Variants in FSIP2 observed in about 807,000 individuals in gnomAD.
FSIP2 encodes the protein fibrous sheath-interacting protein 2.
A neutral mutation model predicts 510.5 loss-of-function variants in FSIP2; 367 were observed. That is an observed-to-expected ratio of 0.72 (90% CI 0.66 to 0.78). The LOEUF (loss-of-function observed/expected upper bound fraction) is 0.78, where lower values mean the gene tolerates loss of function less well. FSIP2 is among the 30% of genes least tolerant of loss of function. FSIP2 has a pLI of 0.00. For synonymous variants in FSIP2, 2,601 were observed against 2,732.2 expected (o/e 0.95, Z 1.50); for missense variants, 7,594 against 7,901.7 (o/e 0.96, Z 1.48).
chr2:185,762,249 G>A (rs1264349973), intron 11 of FSIP2, among the ~76,000 whole-genome samples: 1 of 151,242 alleles, frequency 6.6e-6, no homozygotes, highest in Non-Finnish European at 1.5e-5. Context: ...TAGGGTCCTT[G>A]CTGTAGCTGT....
Position 185,797,502 on chromosome 2 carries a change from T to C in FSIP2, c.10366T>C (p.Tyr3456His). The C allele has an allele frequency of 2.0e-6, 3 of 1,500,080 alleles. No individual in the cohort carries two copies. Among genetic ancestry groups the C allele is most frequent in the Non-Finnish European group, 1.8e-6 (2 of 1,136,434 alleles). The allele number at this position is 1,500,080 out of a possible 1,614,324, so 92.9% of individuals were successfully genotyped here. A position where few individuals can be genotyped will look rare whatever the true frequency, so the allele number is the denominator to read the frequency against. Reference protein sequence around the residue: ...ARHVTTSVVTYLKNFETTVFS... With the variant: ...ARHVTTSVVTHLKNFETTVFS... Reference sequence around the variant, plus strand: ...ACATGTCACCACATCTGTGGTCACATATTTGAAGAACTTTGAAACTACAGG... The same window carrying C: ...ACATGTCACCACATCTGTGGTCACACATTTGAAGAACTTTGAAACTACAGG... Residue 3456 changes from tyrosine (Y) to histidine (H), a missense_variant, in exon 16 of 23, where the codon TAT becomes CAT. Transcript: ENST00000424728.
chr2:185,821,315 A>G (rs1693915354), intron 19 of FSIP2, among the ~76,000 whole-genome samples: 2 of 152,022 alleles, frequency 1.3e-5, no homozygotes, highest in Middle Eastern at 3.4e-3. Context: ...AAAACCTCCT[A>G]ACAAATAAAA....
chr2:185,825,857 G>C (rs1399632933), intron 20 of FSIP2, among the ~76,000 whole-genome samples: 1 of 151,760 alleles, frequency 6.6e-6, no homozygotes, highest in African/African-American at 2.4e-5. Flanking sequence ...CCAAGGGTAA[G>C]GACTTAAACA....
intron 19 of FSIP2, among the ~76,000 whole-genome samples, chr2:185,821,009 TAA>T (rs59331328): frequency 0.013 from 976 of 74,830 alleles, 14 homozygotes; most frequent in Middle Eastern, 0.081. Flanking sequence ...GTTGGTTCGT[TAA>T]AAAAAAAAAA....
intron 20 of FSIP2, among the ~76,000 whole-genome samples, chr2:185,825,892 A>C (rs1694006061): frequency 6.6e-6 from 1 of 151,828 alleles, no homozygotes; most frequent in African/African-American, 2.4e-5. Flanking sequence ...ATTGATAAGT[A>C]AAGTCATGTG....
At chr2:185,775,480 C>T (rs1692697884) in intron 13 of FSIP2, among the ~76,000 whole-genome samples, 1 of 151,350 alleles carries the variant, frequency 6.6e-6, no homozygotes, top group Non-Finnish European at 1.5e-5. Context: ...GGATATTAGC[C>T]CTTTGTCAGA....
At chr2:185,756,033 A>G (rs1187744647) in intron 8 of FSIP2, among the ~76,000 whole-genome samples, 159 bp from the exon 9 acceptor site, 2 of 151,490 alleles carry the variant, frequency 1.3e-5, no homozygotes, top group Non-Finnish European at 3.0e-5. Flanking sequence ...CTTTTCTCCC[A>G]TTTCACATCA....
intron 7 of FSIP2, among the ~76,000 whole-genome samples, chr2:185,748,168 CT>C (rs1472340752): frequency 6.6e-6 from 1 of 152,022 alleles, no homozygotes; most frequent in African/African-American, 2.4e-5. Flanking sequence ...GTATGCTTCT[CT>C]TTCATTCTGT....
chr2:185,807,873 G>C lies in FSIP2; in HGVS notation c.18567G>C (p.Lys6189Asn). ...AAATTGCTGTGAAATTTTTATCAAAGCTTTTATCTATATTTCCAAAAGTAC... is the reference window on the plus strand; with the variant it reads ...AAATTGCTGTGAAATTTTTATCAAACCTTTTATCTATATTTCCAAAAGTAC... ...IEEIAVKFLSKLLSIFPKVHK... is the reference protein window; with the variant it reads ...IEEIAVKFLSNLLSIFPKVHK... Residue 6189 changes from lysine to asparagine, a missense_variant, in exon 17 of 23, where the codon AAG (lysine) becomes AAC (asparagine). Lys to Asn is a moderately conservative substitution (Grantham distance 94, BLOSUM62 0). Transcript: ENST00000424728. 6.2e-7 allele frequency: 1 copy of C among 1,606,806 alleles called. No individual in the cohort carries two copies. Among genetic ancestry groups the C allele is most frequent in the Non-Finnish European group, 8.5e-7 (1 of 1,177,502 alleles).
Position 185,807,250 on chromosome 2 carries a change from G to T in FSIP2, c.17944G>T (p.Asp5982Tyr). 3 of 1,612,104 alleles carry T rather than the reference G, an allele frequency of 1.9e-6. No individual in the cohort carries two copies. The highest frequency in any genetic ancestry group is 2.5e-6 in the Non-Finnish European group (3 of 1,179,052). Residue 5982 changes from aspartate (D) to tyrosine (Y), a missense_variant, in exon 17 of 23, where the codon GAT (aspartate) becomes TAT (tyrosine). By Grantham distance (160) the Asp-to-Tyr change is radical. Transcript: ENST00000424728. ...AGCATGTTTGCCTCTGGAATCTAAGGATGTTGTTAAAAAGGTCCAAAAGTT... is the reference window on the plus strand; with the variant it reads ...AGCATGTTTGCCTCTGGAATCTAAGTATGTTGTTAAAAAGGTCCAAAAGTT... ...VSACLPLESK[D>Y]VVKKVQKLAQ...
rs758591800 is a variant in FSIP2 at position 185,831,875 on chromosome 2, C to G, written c.20580C>G (p.Val6860=). 6.9e-6 allele frequency: 11 copies of G among 1,588,782 alleles called. No homozygotes were observed. The highest frequency in any genetic ancestry group is 7.8e-6 in the Non-Finnish European group (9 of 1,157,968). ...GCAGTGCAAATCCCTCAAAGGAAGTCATTTCAGGTACAAAATGTACTATTT... is the reference window on the plus strand; with the variant it reads ...GCAGTGCAAATCCCTCAAAGGAAGTGATTTCAGGTACAAAATGTACTATTT... ...VLGSANPSKE[V]ISETPKPDVS... Residue 6860 remains valine (V), a synonymous_variant, in exon 22 of 23, where the codon GTC becomes GTG. Transcript: ENST00000424728.
intron 13 of FSIP2, among the ~76,000 whole-genome samples, chr2:185,766,883 G>A (rs1692496763): frequency 2.4e-5 from 3 of 125,324 alleles, no homozygotes; most frequent in African/African-American, 6.1e-5. Context: ...GTTTATTGTG[G>A]CATTATTCAC....
intron 4 of FSIP2, chr2:185,745,192 A>G: frequency 3.6e-6 from 1 of 276,354 alleles, no homozygotes; most frequent in South Asian, 1.1e-4. Context: ...TACTTCCTGC[A>G]TATTTTTATT....
Position 185,795,103 on chromosome 2 carries a change from C to G in FSIP2, c.7967C>G (p.Pro2656Arg), listed in dbSNP as rs1195504980. The change falls in exon 16 of 23, where the codon CCT (proline) becomes CGT (arginine). Residue 2656 changes from proline (P) to arginine (R), a missense_variant. Pro to Arg is a moderately radical substitution (Grantham distance 103). Transcript: ENST00000424728. ...TTAAAGGTGAGCCCTAAGGACAACC[C>G]TAAGCCATGCTTTAAAGCACATTTA... ...LPLKVSPKDN[P>R]KPCFKAHLKT... 3.9e-6 allele frequency: 6 copies of G among 1,534,772 alleles called. No homozygotes were observed. Among genetic ancestry groups the G allele is most frequent in the Non-Finnish European group, 5.2e-6 (6 of 1,146,122 alleles).
At chr2:185,764,297 T>C (rs543893321) in intron 12 of FSIP2, among the ~76,000 whole-genome samples, 1 of 151,860 alleles carries the variant, frequency 6.6e-6, no homozygotes, top group African/African-American at 2.4e-5. Context: ...AGTACAACTT[T>C]TGATACAACT....
intron 13 of FSIP2, among the ~76,000 whole-genome samples, chr2:185,779,464 TAATTGGGAG>T (rs1241515439): frequency 6.6e-6 from 1 of 152,130 alleles, no homozygotes. Flanking sequence ...TAAGTCTGGT[TAATTGGGAG>T]ATCTATCAAT....
At chr2:185,773,645 G>T (rs986912408) in intron 13 of FSIP2, among the ~76,000 whole-genome samples, 19 of 152,144 alleles carry the variant, frequency 1.2e-4, no homozygotes, top group African/African-American at 4.6e-4. Context: ...CTCAGATAAT[G>T]AGTTATTTTA....
upstream of FSIP2, chr2:185,738,446 G>T (rs1691831112): frequency 1.5e-6 from 1 of 656,800 alleles, no homozygotes; most frequent in Non-Finnish European, 2.6e-6. Context: ...AGCTGTGGGA[G>T]CCTGGGGATG....
chr2:185,805,027 C>A lies in FSIP2; in HGVS notation c.15721C>A (p.His5241Asn). 1 of 1,595,380 alleles carries A rather than the reference C, an allele frequency of 6.3e-7. No individual in the cohort carries two copies. Among genetic ancestry groups the A allele is most frequent in the Non-Finnish European group, 8.5e-7 (1 of 1,174,758 alleles). ...GTATCATCATTTACAGCCATTTTTA[C>A]ATGGTGAAGAATCATCTTTCAGTGA... ...IMYHHLQPFL[H>N]GEESSFSDLS... The change falls in exon 17 of 23, where the codon CAT becomes AAT. Residue 5241 changes from histidine to asparagine, a missense_variant. By Grantham distance (68) the His-to-Asn change is moderately conservative. Transcript: ENST00000424728.
Sources: allele counts gnomAD v4.1 joint callset (sites outside exome capture counted in the v4.1 genomes callset), GRCh38; gene constraint gnomAD v4.1.1; transcripts MANE v1.5; gene names NCBI Gene and HGNC (gene_info 2026-07-23, HGNC 2026-07-21).